The following KLHDC4 variants were observed in gnomAD, a reference collection of about 807,000 sequenced individuals.
The protein encoded by KLHDC4 is kelch domain-containing protein 4.
KLHDC4 carries 90 observed loss-of-function variants against 62.4 expected under a neutral mutation model. That is an observed-to-expected ratio of 1.44 (90% CI 1.22 to 1.72). KLHDC4 has a LOEUF of 1.72. Among genes scored for constraint, KLHDC4 ranks in the 40% most tolerant of loss-of-function variants. The pLI, the probability that KLHDC4 is intolerant of heterozygous loss-of-function variation, is 0.00. For synonymous variants in KLHDC4, 386 were observed against 284.4 expected (o/e 1.36, Z -3.59); for missense variants, 1,025 against 699.7 (o/e 1.47, Z -5.25).
At chr16:87,758,690 T>C (rs1463112841) in intron 2 of KLHDC4, among the ~76,000 whole-genome samples, 2 of 152,064 alleles carry the variant, frequency 1.3e-5, no homozygotes. Flanking sequence ...TAAAAAAAAA[T>C]CTCATCATGT....
intron 5 of KLHDC4, among the ~76,000 whole-genome samples, chr16:87,739,604 C>T (rs1197311772): frequency 6.6e-6 from 1 of 151,728 alleles, no homozygotes; most frequent in Non-Finnish European, 1.5e-5. Context: ...GCACGTCATC[C>T]ATCCACACAC....
chr16:87,704,576 G>A (rs1268389975), downstream of KLHDC4, among the ~76,000 whole-genome samples: 2 of 148,386 alleles, frequency 1.3e-5, no homozygotes, highest in Non-Finnish European at 3.0e-5. Flanking sequence ...GCCTGGGGAG[G>A]GTCCTGAACG....
chr16:87,748,885 T>C (rs2043453522), intron 4 of KLHDC4, 76 bp from the exon 5 acceptor site: 1 of 1,573,378 alleles, frequency 6.4e-7, no homozygotes, highest in Admixed American at 1.8e-5. Context: ...CCGGTAGTGG[T>C]GAGCGCTTCA....
At chr16:87,711,645 C>T (rs561263566) in intron 8 of KLHDC4, among the ~76,000 whole-genome samples, 4 of 152,218 alleles carry the variant, frequency 2.6e-5, no homozygotes, top group African/African-American at 9.6e-5. Flanking sequence ...CTTAAGAGAG[C>T]TGGCATTCAA....
At chr16:87,762,742 G>C (rs1206658938) in intron 1 of KLHDC4, among the ~76,000 whole-genome samples, 2 of 152,100 alleles carry the variant, frequency 1.3e-5, no homozygotes, top group Non-Finnish European at 2.9e-5. Context: ...ACAGAGGGCA[G>C]CACTGGAACC....
chr16:87,709,617 G>A lies in KLHDC4; in HGVS notation c.1095C>T (p.Pro365=), dbSNP rs554429175. The A allele has an allele frequency of 3.5e-5, 56 of 1,609,742 alleles. No homozygotes were observed. Among genetic ancestry groups the A allele is most frequent in the South Asian group, 3.4e-4 (31 of 90,652 alleles). Residue 365 remains proline (P), a synonymous_variant, in exon 10 of 12, where the codon CCC becomes CCT. Transcript: ENST00000270583. ...KKRRRGRKEE[P]EGGSRPACGG... The stretch of plus-strand genomic sequence containing the variant: ...CACACGCCGGCCTGCTACCACCTTC[G>A]GGCTCCTCTTTTCTGCCCCGCCTGC...
Position 87,755,218 on chromosome 16 carries a change from T to C in KLHDC4, c.345A>G (p.Pro115=), listed in dbSNP as rs2044679020. 1 of 1,610,910 alleles carries C rather than the reference T, an allele frequency of 6.2e-7. No homozygotes were observed. Among genetic ancestry groups the C allele is most frequent in the African/African-American group, 1.3e-5 (1 of 74,796 alleles). The part of the protein sequence containing the change: ...DTWTKVDIPS[P]PPRRCAHQAV... ...CCTGGTGAGCACAGCGCCTCGGAGG[T>C]GGACTGGGGATGTCAACTTTGGTCC... Residue 115 remains proline, a synonymous_variant, in exon 4 of 12, where the codon CCA becomes CCG. Coordinates refer to ENST00000270583, the MANE Select transcript of KLHDC4 (RefSeq NM_017566.4).
chr16:87,727,328 A>C (rs768040726), intron 6 of KLHDC4, among the ~76,000 whole-genome samples: 6 of 152,226 alleles, frequency 3.9e-5, no homozygotes, highest in African/African-American at 1.4e-4. Flanking sequence ...CAGTTAACAC[A>C]ATCAGAGACA....
chr16:87,706,141 G>A (rs1006618258), downstream of KLHDC4, among the ~76,000 whole-genome samples: 1 of 142,364 alleles, frequency 7.0e-6, no homozygotes, highest in Non-Finnish European at 1.5e-5. Flanking sequence ...TGCAGCCCTC[G>A]CGGGGGGGTC....
At chr16:87,758,169 G>T (rs2045290218) in intron 2 of KLHDC4, among the ~76,000 whole-genome samples, 1 of 152,188 alleles carries the variant, frequency 6.6e-6, no homozygotes, top group Non-Finnish European at 1.5e-5. Context: ...ATTTCTGCAG[G>T]AAAGAAACCA....
intron 4 of KLHDC4, among the ~76,000 whole-genome samples, chr16:87,750,086 C>T (rs550060466): frequency 6.6e-6 from 1 of 152,158 alleles, no homozygotes; most frequent in South Asian, 2.1e-4. Context: ...CCCTCCGTGG[C>T]CCACTCCCTC....
chr16:87,699,817 T>C (rs1013622332), exon 1 of KLHDC4: 2 of 152,294 alleles, frequency 1.3e-5, no homozygotes, highest in Non-Finnish European at 2.9e-5. Flanking sequence ...TACTCCAGGC[T>C]CTAACCACAC....
intron 5 of KLHDC4, among the ~76,000 whole-genome samples, chr16:87,745,368 C>A (rs1004369972): frequency 6.6e-6 from 1 of 152,242 alleles, no homozygotes; most frequent in Non-Finnish European, 1.5e-5. Flanking sequence ...CGCCCCAGGG[C>A]CCGCCCTGTG....
intron 1 of KLHDC4, 144 bp from the exon 2 acceptor site, chr16:87,762,184 T>A (rs551478875): frequency 6.9e-7 from 1 of 1,456,628 alleles, no homozygotes; most frequent in South Asian, 1.4e-5. Context: ...CTGTTTGAAA[T>A]GCAGAGTTTG....
intron 5 of KLHDC4, among the ~76,000 whole-genome samples, chr16:87,735,840 C>T (rs1035474910): frequency 6.6e-6 from 1 of 152,182 alleles, no homozygotes; most frequent in African/African-American, 2.4e-5. Flanking sequence ...CAGGATGGAG[C>T]TCCAAGCAGG....
chr16:87,752,867 T>G (rs1033462839), intron 4 of KLHDC4, among the ~76,000 whole-genome samples: 1 of 152,220 alleles, frequency 6.6e-6, no homozygotes, highest in African/African-American at 2.4e-5. Context: ...TGGAGCAACC[T>G]GTACCACGTT....
chr16:87,724,757 G>C (rs4843683), intron 7 of KLHDC4, among the ~76,000 whole-genome samples: 14,365 of 152,244 alleles, frequency 0.094, 884 homozygotes, highest in African/African-American at 0.17. Flanking sequence ...GCTTCGGGAA[G>C]AGAGCTGACC....
rs749061475 is a variant in KLHDC4 at position 87,726,842 on chromosome 16, G to GC, written c.681dup (p.Pro228AlafsTer29). The GC allele has an allele frequency of 1.5e-5, 25 of 1,612,984 alleles. No individual in the cohort carries two copies. In the East Asian group the frequency reaches 4.5e-4, roughly 29 times the overall value. ...ATCTGGCAGCCTGATCTGGGTGTGG[G>GC]CCCCGTCCCTGACGGGGACAGCTTG... On this transcript the variant is annotated frameshift_variant, in exon 7 of 12. Coordinates refer to ENST00000270583, the MANE Select transcript of KLHDC4 (RefSeq NM_017566.4). LOFTEE classifies it high-confidence loss of function.
chr16:87,731,914 A>T (rs4843690), intron 5 of KLHDC4, among the ~76,000 whole-genome samples: 2,987 of 152,260 alleles, frequency 0.02, 42 homozygotes, highest in South Asian at 0.038. Context: ...TCTTAAAAAC[A>T]TCTCGCTGAA....
Sources: gnomAD v4.1 joint callset for allele counts (sites outside exome capture counted in the v4.1 genomes callset) on GRCh38, gnomAD v4.1.1 for gene constraint, MANE v1.5 for transcripts, NCBI Gene and HGNC (gene_info 2026-07-23, HGNC 2026-07-21) for gene names.